The following PKIG variants were observed in gnomAD, a reference collection of about 807,000 sequenced individuals.
PKIG encodes cAMP-dependent protein kinase inhibitor gamma, also known as protein kinase (cAMP-dependent, catalytic) inhibitor gamma.
Under a neutral mutation model 6.8 loss-of-function variants are expected in PKIG, and 1 was observed. The ratio of observed to expected loss-of-function variants is 0.15; its 90% CI spans 0.05 to 0.69. PKIG has a LOEUF of 0.69. Ranked by LOEUF, PKIG falls within the 30% of genes least tolerant of loss-of-function variation. The pLI is 0.82. For missense variants in PKIG, 77 were observed against 104.0 expected, an observed-to-expected ratio of 0.74 and a Z score of 1.13; for synonymous variants, 39 against 43.0, an observed-to-expected ratio of 0.91 and a Z score of 0.36.
chr20:44,555,422 G>A (rs1174309560), intron 1 of PKIG, among the ~76,000 whole-genome samples: 4 of 152,182 alleles, frequency 2.6e-5, no homozygotes, highest in African/African-American at 9.6e-5. Flanking sequence ...TTTTATGTAA[G>A]TTTATAAATA....
chr20:44,557,265 T>C (rs1229763411), intron 1 of PKIG, among the ~76,000 whole-genome samples: 1 of 152,168 alleles, frequency 6.6e-6, no homozygotes, highest in African/African-American at 2.4e-5. Flanking sequence ...GGCTCACCCC[T>C]GTAATCCCAG....
chr20:44,536,487 A>T (rs754027789), intron 1 of PKIG, among the ~76,000 whole-genome samples: 1 of 152,182 alleles, frequency 6.6e-6, no homozygotes, highest in African/African-American at 2.4e-5. Flanking sequence ...GAGACATTTC[A>T]GAAGGAGAAT....
At chr20:44,612,876 T>C (rs907432074) in intron 2 of PKIG, among the ~76,000 whole-genome samples, 10 of 152,166 alleles carry the variant, frequency 6.6e-5, no homozygotes, top group African/African-American at 2.4e-4. Context: ...TGTGTGGCGG[T>C]AGAAAACAGG....
chr20:44,598,276 C>G (rs2065091638), intron 2 of PKIG, among the ~76,000 whole-genome samples: 1 of 152,198 alleles, frequency 6.6e-6, no homozygotes, highest in African/African-American at 2.4e-5. Flanking sequence ...GCTGTATAAC[C>G]CTTTATAGCC....
At chr20:44,580,644 G>T (rs1037006499), upstream of PKIG, among the ~76,000 whole-genome samples, 7 of 151,634 alleles carry the variant, frequency 4.6e-5, no homozygotes, top group African/African-American at 7.3e-5. Context: ...CACCGCGCCC[G>T]GCCAGGCTGG....
intron 1 of PKIG, among the ~76,000 whole-genome samples, chr20:44,552,509 A>G (rs535007541): frequency 5.9e-5 from 9 of 152,290 alleles, no homozygotes; most frequent in Admixed American, 2.0e-4. Flanking sequence ...TACCTGATGC[A>G]TTGCCTTGCT....
At chr20:44,537,924 A>G (rs2064527749) in intron 1 of PKIG, among the ~76,000 whole-genome samples, 1 of 152,136 alleles carries the variant, frequency 6.6e-6, no homozygotes, top group African/African-American at 2.4e-5. Flanking sequence ...TAGGAGAAGT[A>G]TGAATAATTG....
chr20:44,562,401 C>T (rs1820438166), intron 1 of PKIG, among the ~76,000 whole-genome samples: 1 of 150,662 alleles, frequency 6.6e-6, no homozygotes, highest in South Asian at 2.1e-4. Flanking sequence ...ACTTGAGCTC[C>T]GGAGTTTGAG....
intron 1 of PKIG, among the ~76,000 whole-genome samples, chr20:44,546,547 G>GT (rs1330290922): frequency 1.5e-5 from 2 of 137,434 alleles, no homozygotes; most frequent in Non-Finnish European, 3.0e-5. Context: ...TATATTTTTT[G>GT]TTTTTTTGAG....
In PKIG at chr20:44,611,442, C is replaced by G. The variant is rs2065218159; in HGVS notation, c.-23-3092C>G. Among the ~76,000 whole-genome samples, 3 of 152,214 alleles carry G rather than the reference C, an allele frequency of 2.0e-5. No individual in the cohort carries two copies. The South Asian group carries it at 6.2e-4, about 32-fold the overall frequency. ...CTAATTGTAACTATGTACCCGTTGACCAGCTTTCCATCCTTTCCTCTCCTC... is the reference window on the plus strand; with the variant it reads ...CTAATTGTAACTATGTACCCGTTGAGCAGCTTTCCATCCTTTCCTCTCCTC... On this transcript the variant is annotated intron_variant, in intron 2 of 3. Coordinates refer to ENST00000372886, the MANE Select transcript of PKIG (RefSeq NM_001281445.2).
intron 1 of PKIG, among the ~76,000 whole-genome samples, chr20:44,548,533 C>G (rs2064637127): frequency 1.3e-5 from 2 of 152,026 alleles, no homozygotes; most frequent in Non-Finnish European, 2.9e-5. Flanking sequence ...ACTTATCAAC[C>G]AAGTTGATAA....
At chr20:44,544,646 C>T (rs1046726261) in intron 1 of PKIG, among the ~76,000 whole-genome samples, 1 of 152,220 alleles carries the variant, frequency 6.6e-6, no homozygotes, top group South Asian at 2.1e-4. Flanking sequence ...CCCTAAGTCC[C>T]AACCACCATG....
intron 2 of PKIG, among the ~76,000 whole-genome samples, chr20:44,612,388 G>A (rs1481595470): frequency 6.6e-6 from 1 of 152,038 alleles, no homozygotes; most frequent in Non-Finnish European, 1.5e-5. Context: ...TTTGCTGGGT[G>A]GGCCCATGGG....
intron 1 of PKIG, among the ~76,000 whole-genome samples, chr20:44,550,275 T>G (rs2064655978): frequency 6.6e-6 from 1 of 151,822 alleles, no homozygotes; most frequent in African/African-American, 2.4e-5. Flanking sequence ...TAAACTTTAT[T>G]TCTCAATATA....
Position 44,548,692 on chromosome 20 carries a change from T to C in PKIG, c.-241+16714T>C, listed in dbSNP as rs191190404. ...TTATAACAATTTGCTCAACTCCTAA[T>C]TAAAGATAGCTCTGTCATCCACACA... On this transcript the variant is annotated intron_variant, in intron 1 of 4. Transcript: ENST00000372887. Among the ~76,000 whole-genome samples the C allele has an allele frequency of 7.9e-5, 12 of 152,302 alleles. No individual in the cohort carries two copies. In the East Asian group the frequency reaches 2.3e-3, roughly 29 times the overall value.
At chr20:44,554,670 A>G (rs2064698139) in intron 1 of PKIG, among the ~76,000 whole-genome samples, 1 of 152,144 alleles carries the variant, frequency 6.6e-6, no homozygotes, top group South Asian at 2.1e-4. Context: ...CAAAAAACAG[A>G]TTCTTGGTTT....
chr20:44,613,175 CT>C (rs1568836644), intron 2 of PKIG, among the ~76,000 whole-genome samples: 1 of 152,070 alleles, frequency 6.6e-6, no homozygotes, highest in South Asian at 2.1e-4. Flanking sequence ...TTTATTTTTT[CT>C]TTTTTTCGAG....
intron 2 of PKIG, among the ~76,000 whole-genome samples, chr20:44,596,963 A>G (rs1430754834): frequency 6.6e-6 from 1 of 152,154 alleles, no homozygotes. Context: ...ACTGCTCCCC[A>G]GCCCCATGGC....
At position 44,536,424 on chromosome 20, in the gene PKIG, A is replaced by G. The variant is rs193161485; in HGVS notation, c.-241+4446A>G. 2.0e-3 allele frequency among the ~76,000 whole-genome samples: 299 copies of G among 152,282 alleles called. 4 individuals carry two copies. The highest frequency in any genetic ancestry group is 0.018 in the Admixed American group (269 of 15,284). On this transcript the variant is annotated intron_variant, in intron 1 of 4. Transcript: ENST00000372887. ...ATCTTCTTTAGGAGGCTGGGGAAAT[A>G]AGGGTAAAAAAGGGCAGTGGCAGCG...
Sources: allele counts gnomAD v4.1 joint callset (sites outside exome capture counted in the v4.1 genomes callset), GRCh38; gene constraint gnomAD v4.1.1; transcripts MANE v1.5; gene names NCBI Gene and HGNC (gene_info 2026-07-23, HGNC 2026-07-21).